The following PLCH1 variants were observed in gnomAD, a reference collection of about 807,000 sequenced individuals.
PLCH1 encodes the protein phospholipase C eta 1, also known as 1-phosphatidylinositol 4,5-bisphosphate phosphodiesterase eta-1.
PLCH1 carries 60 observed loss-of-function variants against 126.7 expected under a neutral mutation model. The observed-to-expected ratio is 0.47, with a 90% CI of 0.38 to 0.59. The LOEUF (loss-of-function observed/expected upper bound fraction) is 0.59, where lower values mean the gene tolerates loss of function less well. PLCH1 is among the 20% of genes least tolerant of loss of function. The pLI is 0.00. For synonymous variants in PLCH1, 719 were observed against 734.9 expected (o/e 0.98, Z 0.35); for missense variants, 1,723 against 2,040.0 (o/e 0.84, Z 2.99).
At chr3:155,473,254 C>G (rs1207208270) in intron 21 of PLCH1, among the ~76,000 whole-genome samples, 1 of 150,920 alleles carries the variant, frequency 6.6e-6, no homozygotes, top group Non-Finnish European at 1.5e-5. Flanking sequence ...AATCAATGTA[C>G]AAAAATCACA....
At chr3:155,518,879 C>A (rs749342591) in intron 11 of PLCH1, among the ~76,000 whole-genome samples, 55 of 152,156 alleles carry the variant, frequency 3.6e-4, no homozygotes, top group Non-Finnish European at 5.0e-4. Flanking sequence ...GCCATAACAC[C>A]AAGTCACTTT....
chr3:155,707,573 C>T (rs1746771934), intron 1 of PLCH1, among the ~76,000 whole-genome samples: 1 of 151,628 alleles, frequency 6.6e-6, no homozygotes, highest in Admixed American at 6.6e-5. Flanking sequence ...CCTGTAATCC[C>T]AGCTACTCGG....
At chr3:155,623,731 C>CGTT (rs1196445586) in intron 2 of PLCH1, among the ~76,000 whole-genome samples, 1 of 152,128 alleles carries the variant, frequency 6.6e-6, no homozygotes, top group Non-Finnish European at 1.5e-5. Flanking sequence ...CCTGAATAGA[C>CGTT]CACTAACAAG....
intron 2 of PLCH1, among the ~76,000 whole-genome samples, chr3:155,610,568 T>G (rs954804623): frequency 1.3e-5 from 2 of 151,886 alleles, no homozygotes; most frequent in African/African-American, 4.8e-5. Context: ...TTTGGCCTCC[T>G]CAAACAAGAT....
At chr3:155,664,929 A>G (rs1742561778) in intron 2 of PLCH1, among the ~76,000 whole-genome samples, 1 of 152,176 alleles carries the variant, frequency 6.6e-6, no homozygotes, top group Non-Finnish European at 1.5e-5. Flanking sequence ...GTAGATTACT[A>G]AATGCTCACC....
At chr3:155,659,796 G>C (rs985864015) in intron 2 of PLCH1, among the ~76,000 whole-genome samples, 1 of 152,078 alleles carries the variant, frequency 6.6e-6, no homozygotes, top group African/African-American at 2.4e-5. Flanking sequence ...ACTGCGCTCA[G>C]CTAATTTTTG....
intron 21 of PLCH1, among the ~76,000 whole-genome samples, chr3:155,460,841 GA>G (rs1270818844): frequency 6.8e-6 from 1 of 146,196 alleles, no homozygotes; most frequent in East Asian, 2.0e-4. Flanking sequence ...TAGATAGATA[GA>G]TAGTGGTGGG....
chr3:155,602,557 C>A (rs35546666), intron 2 of PLCH1, among the ~76,000 whole-genome samples: 1 of 152,130 alleles, frequency 6.6e-6, no homozygotes, highest in Non-Finnish European at 1.5e-5. Flanking sequence ...TCACACAGAC[C>A]TAGATTGCAT....
chr3:155,545,592 G>T (rs547123771), intron 10 of PLCH1, among the ~76,000 whole-genome samples: 48 of 152,152 alleles, frequency 3.2e-4, no homozygotes, highest in Non-Finnish European at 5.6e-4. Context: ...CCAAAAAAGA[G>T]AATTTTAGAC....
At chr3:155,728,583 T>A (rs1214483604) in intron 1 of PLCH1, among the ~76,000 whole-genome samples, 2 of 152,112 alleles carry the variant, frequency 1.3e-5, no homozygotes, top group Admixed American at 6.5e-5. Context: ...TCTTAAGATA[T>A]GTGTAATTTT....
intron 10 of PLCH1, among the ~76,000 whole-genome samples, chr3:155,530,013 C>G (rs567613286): frequency 2.6e-5 from 4 of 152,214 alleles, no homozygotes; most frequent in South Asian, 4.1e-4. Context: ...GTGATCCACC[C>G]GCCTTGGCCT....
chr3:155,655,479 C>T (rs1463881185), intron 2 of PLCH1, among the ~76,000 whole-genome samples: 6 of 151,642 alleles, frequency 4.0e-5, no homozygotes, highest in East Asian at 1.9e-4. Flanking sequence ...CCCCTTTAGT[C>T]GCTATTTGTG....
At chr3:155,593,633 C>G (rs1732493836) in intron 4 of PLCH1, among the ~76,000 whole-genome samples, 1 of 152,170 alleles carries the variant, frequency 6.6e-6, no homozygotes, top group South Asian at 2.1e-4. Context: ...GGCAATGATA[C>G]TTAATGGGCA....
intron 1 of PLCH1, among the ~76,000 whole-genome samples, chr3:155,732,381 G>A (rs2109181166): frequency 6.6e-6 from 1 of 151,970 alleles, no homozygotes; most frequent in East Asian, 1.9e-4. Flanking sequence ...ACTATTACTA[G>A]ATACAATTAG....
At chr3:155,581,264 T>A (rs1041937735) in intron 6 of PLCH1, among the ~76,000 whole-genome samples, 2 of 152,166 alleles carry the variant, frequency 1.3e-5, no homozygotes, top group African/African-American at 4.8e-5. Context: ...AAAGAAGGGA[T>A]CAAATTAGGT....
chr3:155,722,512 T>C (rs1577368843), intron 1 of PLCH1, among the ~76,000 whole-genome samples: 1 of 152,204 alleles, frequency 6.6e-6, no homozygotes, highest in East Asian at 1.9e-4. Context: ...GCAATTTTGC[T>C]GAGGGTCTTA....
intron 2 of PLCH1, among the ~76,000 whole-genome samples, chr3:155,600,292 C>T (rs765871738): frequency 3.3e-5 from 5 of 152,190 alleles, no homozygotes; most frequent in South Asian, 2.1e-4. Context: ...ATTTACGTGT[C>T]AGCACAAGCC....
intron 2 of PLCH1, among the ~76,000 whole-genome samples, chr3:155,603,386 AGGGT>A (rs55754207): frequency 0.49 from 74,275 of 151,988 alleles, 21,191 homozygotes; most frequent in Non-Finnish European, 0.65. Context: ...GCAGAAGTAA[AGGGT>A]ATGTTTGTTT....
In PLCH1 at chr3:155,564,906, T is replaced by C. The variant is rs1728120084; in HGVS notation, c.1069+9A>G. The C allele has an allele frequency of 3.7e-6, 6 of 1,603,700 alleles. No homozygotes were observed. In the South Asian group the frequency reaches 5.5e-5, roughly 15 times the overall value. Reference sequence around the variant, plus strand: ...CATACACACCGGAGCTCAGAAAAAGTGCACGTACCTTCCACACAGCGACAG... The same window carrying C: ...CATACACACCGGAGCTCAGAAAAAGCGCACGTACCTTCCACACAGCGACAG... On this transcript the variant is annotated intron_variant, in intron 8 of 22. Coordinates refer to ENST00000460012, the MANE Select transcript of PLCH1 (RefSeq NM_014996.4).
Sources: allele counts gnomAD v4.1 joint callset (sites outside exome capture counted in the v4.1 genomes callset), GRCh38; gene constraint gnomAD v4.1.1; transcripts MANE v1.5; gene names NCBI Gene and HGNC (gene_info 2026-07-23, HGNC 2026-07-21).